The following CNIH3 variants were observed in gnomAD, a reference collection of about 807,000 sequenced individuals.
CNIH3 encodes the protein cornichon family AMPA receptor auxiliary protein 3.
Under a neutral mutation model 24.1 loss-of-function variants are expected in CNIH3, and 14 were observed. That is an observed-to-expected ratio of 0.58 (90% CI 0.38 to 0.91). The LOEUF (loss-of-function observed/expected upper bound fraction) is 0.91, where lower values mean the gene tolerates loss of function less well. Ranked by LOEUF, CNIH3 falls within the 40% of genes least tolerant of loss-of-function variation. The pLI is 0.00. For missense variants in CNIH3, 178 were observed against 196.8 expected, an observed-to-expected ratio of 0.90 and a Z score of 0.57; for synonymous variants, 68 against 73.8, an observed-to-expected ratio of 0.92 and a Z score of 0.40.
intron 1 of CNIH3, among the ~76,000 whole-genome samples, chr1:224,484,839 T>G (rs1344786409): frequency 2.0e-5 from 3 of 152,244 alleles, no homozygotes; most frequent in Non-Finnish European, 4.4e-5. Context: ...GATAAGAGTC[T>G]TCAAAAAATA....
chr1:224,591,731 C>T (rs1415963761), downstream of CNIH3, among the ~76,000 whole-genome samples: 4 of 152,150 alleles, frequency 2.6e-5, no homozygotes, highest in African/African-American at 4.8e-5. Context: ...CTCTGGGGTA[C>T]AGGGAGGGAG....
At chr1:224,459,270 C>T (rs1025855639) in intron 1 of CNIH3, 1 of 956,472 alleles carries the variant, frequency 1.0e-6, no homozygotes, top group African/African-American at 1.8e-5. Context: ...AGGCCGAAAC[C>T]CTGATGACTT....
chr1:224,650,724 G>A (rs762330548), intron 1 of CNIH3, among the ~76,000 whole-genome samples: 9 of 152,188 alleles, frequency 5.9e-5, no homozygotes, highest in Non-Finnish European at 1.3e-4. Flanking sequence ...GGATATAGAG[G>A]CTTTATAAAC....
chr1:224,461,086 T>C (rs568082135), intron 1 of CNIH3, among the ~76,000 whole-genome samples: 1 of 151,430 alleles, frequency 6.6e-6, no homozygotes, highest in Non-Finnish European at 1.5e-5. Context: ...CACTGCAACC[T>C]CCACCTCCTG....
At chr1:224,673,871 G>T (rs1173264856) in intron 1 of CNIH3, among the ~76,000 whole-genome samples, 1 of 152,112 alleles carries the variant, frequency 6.6e-6, no homozygotes, top group Non-Finnish European at 1.5e-5. Flanking sequence ...TCACAGAGGG[G>T]CAGCACAGCG....
intron 2 of CNIH3, among the ~76,000 whole-genome samples, chr1:224,533,981 A>C (rs528762344): frequency 1.1e-4 from 17 of 152,294 alleles, no homozygotes; most frequent in African/African-American, 3.8e-4. Flanking sequence ...CCTGGGCAAC[A>C]TGGTGAAACC....
intron 1 of CNIH3, among the ~76,000 whole-genome samples, chr1:224,468,952 A>C (rs961553841): frequency 6.6e-6 from 1 of 151,226 alleles, no homozygotes; most frequent in Non-Finnish European, 1.5e-5. Context: ...GATGCTCTCT[A>C]TCAAGTTGAG....
intron 1 of CNIH3, among the ~76,000 whole-genome samples, chr1:224,660,959 A>G (rs1277502553): frequency 6.6e-6 from 1 of 152,230 alleles, no homozygotes; most frequent in African/African-American, 2.4e-5. Flanking sequence ...AGATATTTAC[A>G]TCAATTTTTA....
At chr1:224,483,140 C>A (rs928498290) in intron 1 of CNIH3, among the ~76,000 whole-genome samples, 1 of 152,212 alleles carries the variant, frequency 6.6e-6, no homozygotes, top group Admixed American at 6.5e-5. Context: ...TCAAAACTGT[C>A]TTTCCTACCC....
chr1:224,638,808 T>C (rs1466062618), intron 1 of CNIH3, among the ~76,000 whole-genome samples: 1 of 152,212 alleles, frequency 6.6e-6, no homozygotes, highest in Non-Finnish European at 1.5e-5. Context: ...TTAAATGAAG[T>C]TCATCACCTT....
At chr1:224,626,672 G>A (rs1028114956) in intron 1 of CNIH3, among the ~76,000 whole-genome samples, 1 of 152,102 alleles carries the variant, frequency 6.6e-6, no homozygotes, top group African/African-American at 2.4e-5. Context: ...TAAACTGCCT[G>A]TAGGATAACG....
chr1:224,681,681 T>A (rs2125144938), intron 2 of CNIH3, among the ~76,000 whole-genome samples: 1 of 152,302 alleles, frequency 6.6e-6, no homozygotes, highest in Non-Finnish European at 1.5e-5. Context: ...TGCCTCTGAC[T>A]GGGAGCTTCT....
chr1:224,739,240 CCTCTCCTGAGGGGCAG>C, intron 5 of CNIH3, 73 bp from the exon 6 acceptor site: 1 of 1,545,126 alleles, frequency 6.5e-7, no homozygotes, highest in Non-Finnish European at 8.7e-7. Flanking sequence ...CTGGAAGGTC[CCTCTCCTGAGGGGCAG>C]CCTGAGTCCT....
intron 2 of CNIH3, among the ~76,000 whole-genome samples, chr1:224,534,891 C>G (rs938657154): frequency 6.6e-6 from 1 of 152,184 alleles, no homozygotes; most frequent in Admixed American, 6.5e-5. Context: ...GCCAATCCCC[C>G]AGTGGCAGGT....
rs145190325 is a variant in CNIH3 at position 224,699,666 on chromosome 1, G to A, written c.198+14823G>A. On this transcript the variant is annotated intron_variant, in intron 3 of 5. Coordinates refer to ENST00000272133, the MANE Select transcript of CNIH3 (RefSeq NM_152495.2). ...AATCCATCTGACAGCAATAATTTAA[G>A]CATACCTTTAGAATGGCCCTATATG... is the stretch of plus-strand genomic sequence containing the variant. Among the ~76,000 whole-genome samples, 28 of 152,274 alleles carry A rather than the reference G, an allele frequency of 1.8e-4. No individual in the cohort carries two copies. The East Asian group carries it at 3.9e-3, about 21-fold the overall frequency.
intron 1 of CNIH3, among the ~76,000 whole-genome samples, chr1:224,665,707 G>T (rs1411610386): frequency 2.6e-5 from 4 of 152,158 alleles, no homozygotes; most frequent in Non-Finnish European, 5.9e-5. Context: ...TTAGATTTAG[G>T]GTTTATGGAC....
chr1:224,518,730 A>G (rs1052559079), intron 1 of CNIH3, among the ~76,000 whole-genome samples: 2 of 152,198 alleles, frequency 1.3e-5, no homozygotes, highest in African/African-American at 4.8e-5. Context: ...CGGGAGGACT[A>G]GCCTCATTTT....
chr1:224,456,409 C>T (rs1675655701), intron 1 of CNIH3, among the ~76,000 whole-genome samples: 1 of 152,092 alleles, frequency 6.6e-6, no homozygotes, highest in African/African-American at 2.4e-5. Context: ...CCTTTCTTTT[C>T]TTTCTTTAAG....
At chr1:224,506,534 G>A (rs1428066719) in intron 1 of CNIH3, among the ~76,000 whole-genome samples, 2 of 152,192 alleles carry the variant, frequency 1.3e-5, no homozygotes, top group Non-Finnish European at 2.9e-5. Flanking sequence ...ACTCTGTAGG[G>A]CGTGTGCAAG....
Sources: gnomAD v4.1 joint callset for allele counts (sites outside exome capture counted in the v4.1 genomes callset) on GRCh38, gnomAD v4.1.1 for gene constraint, MANE v1.5 for transcripts, NCBI Gene and HGNC (gene_info 2026-07-23, HGNC 2026-07-21) for gene names.